CTBP2: variants seen among roughly 807,000 people sequenced by gnomAD.
CTBP2 encodes the protein C-terminal-binding protein 2.
Under a neutral mutation model 80.3 loss-of-function variants are expected in CTBP2, and 30 were observed. That is an observed-to-expected ratio of 0.37 (90% CI 0.28 to 0.51). The LOEUF (loss-of-function observed/expected upper bound fraction) is 0.51. Among genes scored for constraint, CTBP2 ranks in the 20% least tolerant of loss-of-function variants. The pLI is 0.93. For missense variants in CTBP2, 1,212 were observed against 1,375.3 expected, an observed-to-expected ratio of 0.88 and a Z score of 1.88; for synonymous variants, 594 against 587.4, an observed-to-expected ratio of 1.01 and a Z score of -0.16.
intron 2 of CTBP2, among the ~76,000 whole-genome samples, chr10:125,078,905 A>G (rs553121404): frequency 2.0e-5 from 3 of 151,124 alleles, no homozygotes; most frequent in African/African-American, 4.8e-5. Context: ...TGGGAGGCTG[A>G]GGCGGGCAGA....
At chr10:125,130,847 C>A (rs1179095333) in intron 1 of CTBP2, among the ~76,000 whole-genome samples, 4 of 152,178 alleles carry the variant, frequency 2.6e-5, no homozygotes, top group African/African-American at 9.7e-5. Context: ...ATCGCCCCCT[C>A]ATTTTAGAGG....
chr10:125,128,034 C>T (rs1328900570), intron 1 of CTBP2, among the ~76,000 whole-genome samples: 1 of 152,162 alleles, frequency 6.6e-6, no homozygotes, highest in African/African-American at 2.4e-5. Flanking sequence ...AAAGTAATGA[C>T]CCCAGAGACT....
chr10:125,029,034 T>C (rs1957923328), upstream of CTBP2, among the ~76,000 whole-genome samples: 1 of 152,126 alleles, frequency 6.6e-6, no homozygotes, highest in South Asian at 2.1e-4. Flanking sequence ...AGGATTCCCA[T>C]GACAAAGAAT....
chr10:124,992,870 C>T (rs1426274321), intron 7 of CTBP2, 58 bp from the exon 10 acceptor site: 2 of 1,300,824 alleles, frequency 1.5e-6, no homozygotes, highest in Admixed American at 1.9e-5. Context: ...GTAAGTTCAA[C>T]ATTACACCTG....
intron 5 of CTBP2, 133 bp downstream of exon 7, chr10:124,994,336 G>T: frequency 1.1e-6 from 1 of 894,846 alleles, no homozygotes; most frequent in Non-Finnish European, 1.8e-6. Context: ...TCACTGGTTT[G>T]TTGCAGGGCC....
At chr10:125,073,093 A>C (rs531392364) in intron 2 of CTBP2, among the ~76,000 whole-genome samples, 3 of 152,238 alleles carry the variant, frequency 2.0e-5, no homozygotes, top group Admixed American at 6.5e-5. Flanking sequence ...CCAAGTCTTC[A>C]GATGTGGCCC....
intron 2 of CTBP2, among the ~76,000 whole-genome samples, chr10:125,109,173 C>T (rs1253102697): frequency 1.3e-5 from 2 of 152,248 alleles, no homozygotes; most frequent in Non-Finnish European, 2.9e-5. Flanking sequence ...GTTCCCACAT[C>T]CTTCTGTTTA....
chr10:125,061,930 A>C (rs920356338), intron 2 of CTBP2, among the ~76,000 whole-genome samples: 2 of 152,190 alleles, frequency 1.3e-5, no homozygotes, highest in South Asian at 4.1e-4. Flanking sequence ...TCCTCATCTA[A>C]AATGACTAAA....
chr10:125,064,336 T>C (rs1293690113), intron 2 of CTBP2, among the ~76,000 whole-genome samples: 6 of 152,214 alleles, frequency 3.9e-5, no homozygotes, highest in African/African-American at 1.4e-4. Flanking sequence ...GTAAGTTACC[T>C]TCCGGTTTCC....
intron 1 of CTBP2, among the ~76,000 whole-genome samples, chr10:125,112,391 G>A (rs536612752): frequency 6.7e-6 from 1 of 148,590 alleles, no homozygotes; most frequent in Non-Finnish European, 1.5e-5. Context: ...GGGATTACAG[G>A]CGTGAGCCAC....
Position 125,118,433 on chromosome 10 carries a change from C to T in CTBP2, c.-205-7340G>A, listed in dbSNP as rs115876859. Among the ~76,000 whole-genome samples, 604 of 152,302 alleles carry T rather than the reference C, an allele frequency of 4.0e-3. 4 individuals carry two copies. The highest frequency in any genetic ancestry group is 0.014 in the African/African-American group (581 of 41,572). On this transcript the variant is annotated intron_variant, in intron 1 of 10. Coordinates refer to the CTBP2 transcript ENST00000337195. Reference sequence around the variant, plus strand: ...AAATTGATAAACGGGTGCTGCTGATCGGGGCTGCCATGGGCCAAGTTTTGA... The same window carrying T: ...AAATTGATAAACGGGTGCTGCTGATTGGGGCTGCCATGGGCCAAGTTTTGA...
intron 2 of CTBP2, among the ~76,000 whole-genome samples, chr10:125,068,876 T>C (rs1845034729): frequency 6.6e-6 from 1 of 152,196 alleles, no homozygotes; most frequent in Non-Finnish European, 1.5e-5. Context: ...CTGCCCCTGC[T>C]GTCTCCGAGG....
intron 2 of CTBP2, among the ~76,000 whole-genome samples, chr10:125,072,305 C>T (rs558346424): frequency 6.6e-6 from 1 of 151,974 alleles, no homozygotes; most frequent in South Asian, 2.1e-4. Context: ...CAGCTCCTAT[C>T]TGTCCTGCAA....
At chr10:125,103,443 A>G (rs1289667671) in intron 2 of CTBP2, among the ~76,000 whole-genome samples, 2 of 152,168 alleles carry the variant, frequency 1.3e-5, no homozygotes, top group African/African-American at 2.4e-5. Context: ...GTCCAAGTCC[A>G]TTTACAACAC....
intron 3 of CTBP2, among the ~76,000 whole-genome samples, chr10:125,036,705 G>T (rs946990848): frequency 1.1e-4 from 11 of 99,142 alleles, no homozygotes; most frequent in African/African-American, 1.7e-4. Context: ...GTGTGTGTGT[G>T]TGTGTGTGTG....
intron 2 of CTBP2, among the ~76,000 whole-genome samples, chr10:125,074,155 T>G (rs1845935100): frequency 6.6e-6 from 1 of 152,148 alleles, no homozygotes; most frequent in Non-Finnish European, 1.5e-5. Context: ...AATATGATAA[T>G]CAGTCCCTCA....
chr10:125,011,422 CCT>C (rs751641973), intron 1 of CTBP2, among the ~76,000 whole-genome samples: 138 of 152,282 alleles, frequency 9.1e-4, no homozygotes, highest in Non-Finnish European at 1.7e-3. Flanking sequence ...TCCAGGTACC[CCT>C]GTCTTTATCC....
intron 1 of CTBP2, among the ~76,000 whole-genome samples, chr10:125,114,330 G>A (rs1038214943): frequency 6.6e-6 from 1 of 151,976 alleles, no homozygotes; most frequent in Admixed American, 6.6e-5. Flanking sequence ...AACATCCCGC[G>A]GCAAATGTGA....
intron 3 of CTBP2, among the ~76,000 whole-genome samples, chr10:125,036,668 GGTGTGTGTGTGTGTGTGTGTGTGT>G (rs59284647): frequency 8.4e-6 from 1 of 119,284 alleles, no homozygotes; most frequent in Non-Finnish European, 1.7e-5. Flanking sequence ...AGCTAGAGGG[GGTGTGTGTGTGTGTGTGTGTGTGT>G]GTGTGTGTGT....
Sources: gnomAD v4.1 joint callset for allele counts (sites outside exome capture counted in the v4.1 genomes callset) on GRCh38, gnomAD v4.1.1 for gene constraint, MANE v1.5 for transcripts, NCBI Gene and HGNC (gene_info 2026-07-23, HGNC 2026-07-21) for gene names.